Variants in RASEF observed in about 807,000 individuals in gnomAD.
RASEF encodes the protein ras and EF-hand domain-containing protein.
In RASEF, 68 loss-of-function variants were observed where a neutral mutation model predicts 90.1. That is an observed-to-expected ratio of 0.75 (90% confidence interval 0.62 to 0.92). RASEF has a LOEUF of 0.92. RASEF is among the 40% of genes least tolerant of loss of function. The pLI, the probability that RASEF is intolerant of heterozygous loss-of-function variation, is 0.00. For missense variants in RASEF, 949 were observed against 937.2 expected (o/e 1.01, Z -0.16); for synonymous variants, 331 against 345.2 (o/e 0.96, Z 0.46).
the RASEF span, among the ~76,000 whole-genome samples, chr9:83,142,009 G>T: frequency 6.6e-6 from 1 of 152,068 alleles, no homozygotes; most frequent in African/African-American, 2.4e-5. Flanking sequence ...ATGTACAAAA[G>T]GAAAAACTTT....
At position 82,997,146 on chromosome 9, in the gene RASEF, A is replaced by G. The variant is rs773777716; in HGVS notation, c.1806-20T>C. On this transcript the variant is annotated intron_variant, in intron 13 of 16. Coordinates refer to ENST00000376447, the MANE Select transcript of RASEF (RefSeq NM_152573.4). ...CTGAATCTGAGAAAGAGAAAACCAC[A>G]TCATCAGTCAGTTTGTGTTGCCTCA... The G allele has an allele frequency of 4.8e-6, 7 of 1,448,970 alleles. No individual in the cohort carries two copies. Among genetic ancestry groups the G allele is most frequent in the Non-Finnish European group, 6.8e-6 (7 of 1,029,722 alleles). The allele number at this position is 1,448,970 out of a possible 1,614,324, so 89.8% of individuals were successfully genotyped here.
At chr9:83,016,236 T>C (rs1466970630) in intron 3 of RASEF, among the ~76,000 whole-genome samples, 1 of 152,210 alleles carries the variant, frequency 6.6e-6, no homozygotes, top group Admixed American at 6.5e-5. Context: ...TTAAAAGACA[T>C]GGCACAGTGA....
chr9:82,990,528 G>C (rs866627137), intron 15 of RASEF, 61 bp from the exon 16 acceptor site: 2 of 1,260,086 alleles, frequency 1.6e-6, no homozygotes, highest in East Asian at 4.7e-5. Flanking sequence ...TGAAATTTTA[G>C]CTTTTAAAAT....
intron 1 of RASEF, chr9:83,054,849 G>C (rs2117879169): frequency 6.6e-6 from 1 of 151,808 alleles, no homozygotes. Context: ...CTCCCAGTTA[G>C]GCTGCTTGGG....
chr9:82,990,306 T>C, intron 16 of RASEF, 85 bp downstream of exon 16: 2 of 874,426 alleles, frequency 2.3e-6, no homozygotes, highest in Non-Finnish European at 3.8e-6. Context: ...TTCCCGCATA[T>C]ATTCTATCTG....
upstream of RASEF, among the ~76,000 whole-genome samples, chr9:83,064,603 A>G (rs565769993): frequency 6.6e-6 from 1 of 152,360 alleles, no homozygotes; most frequent in African/African-American, 2.4e-5. Context: ...CTTTAAAAAT[A>G]GATGCTTTCA....
At chr9:83,121,965 A>G in the RASEF span, among the ~76,000 whole-genome samples, 1 of 152,208 alleles carries the variant, frequency 6.6e-6, no homozygotes, top group African/African-American at 2.4e-5. Context: ...ATAAGAATAC[A>G]CACTTACATT....
chr9:83,176,523 C>A, the RASEF span, among the ~76,000 whole-genome samples: 45 of 152,116 alleles, frequency 3.0e-4, no homozygotes, highest in Admixed American at 2.2e-3. Flanking sequence ...TCCTCTATTA[C>A]TACTTTATTG....
At chr9:83,083,813 G>T in the RASEF span, among the ~76,000 whole-genome samples, 1 of 151,976 alleles carries the variant, frequency 6.6e-6, no homozygotes, top group Admixed American at 6.6e-5. Flanking sequence ...TCTTAAAAAA[G>T]CTTAGCAATA....
At chr9:83,059,746 G>T (rs1830172749) in intron 1 of RASEF, among the ~76,000 whole-genome samples, 1 of 152,002 alleles carries the variant, frequency 6.6e-6, no homozygotes, top group Admixed American at 6.5e-5. Context: ...TTATCAAACT[G>T]ACCAGGAAGT....
At chr9:83,148,282 AT>A in the RASEF span, among the ~76,000 whole-genome samples, 5 of 152,172 alleles carry the variant, frequency 3.3e-5, no homozygotes, top group Admixed American at 2.6e-4. Flanking sequence ...CTGAACTGTG[AT>A]CCCCCAAATT....
At chr9:83,046,849 G>A (rs1191801748) in intron 1 of RASEF, among the ~76,000 whole-genome samples, 1 of 152,182 alleles carries the variant, frequency 6.6e-6, no homozygotes, top group Non-Finnish European at 1.5e-5. Flanking sequence ...CTTGCACCAG[G>A]TAGATACAGG....
chr9:82,994,669 T>G (rs1828879370), intron 14 of RASEF, among the ~76,000 whole-genome samples: 1 of 152,232 alleles, frequency 6.6e-6, no homozygotes, highest in Non-Finnish European at 1.5e-5. Context: ...GTTTTGAATG[T>G]GTTAAAACTG....
intron 1 of RASEF, among the ~76,000 whole-genome samples, chr9:83,047,730 A>G (rs1469816401): frequency 6.6e-6 from 1 of 152,220 alleles, no homozygotes; most frequent in East Asian, 1.9e-4. Flanking sequence ...GCAAACAAGA[A>G]AGTAAAGATA....
At chr9:83,089,448 A>G in the RASEF span, among the ~76,000 whole-genome samples, 1 of 152,132 alleles carries the variant, frequency 6.6e-6, no homozygotes, top group African/African-American at 2.4e-5. Flanking sequence ...AAGCCCTTTT[A>G]GTGTTTTTGT....
chr9:83,188,767 A>G, the RASEF span, among the ~76,000 whole-genome samples: 138 of 152,298 alleles, frequency 9.1e-4, 1 homozygote, highest in African/African-American at 3.1e-3. Flanking sequence ...AACCAAAATG[A>G]AAAACATCAA....
the RASEF span, among the ~76,000 whole-genome samples, chr9:83,084,217 C>T: frequency 6.6e-6 from 1 of 152,032 alleles, no homozygotes; most frequent in Non-Finnish European, 1.5e-5. Flanking sequence ...TATTTTACTA[C>T]AATAAGTTTA....
chr9:82,996,793 A>C (rs1284929895), intron 14 of RASEF, among the ~76,000 whole-genome samples: 1 of 152,192 alleles, frequency 6.6e-6, no homozygotes, highest in Non-Finnish European at 1.5e-5. Flanking sequence ...TATTCCCCAA[A>C]GCTCCCTTCA....
At chr9:83,048,200 G>A (rs1338681919) in intron 1 of RASEF, 1 of 985,220 alleles carries the variant, frequency 1.0e-6, no homozygotes, top group Non-Finnish European at 1.2e-6. Context: ...AAGGAGCTTG[G>A]AGGTCATCTG....
Sources: allele counts gnomAD v4.1 joint callset (sites outside exome capture counted in the v4.1 genomes callset), GRCh38; gene constraint gnomAD v4.1.1; transcripts MANE v1.5; gene names NCBI Gene and HGNC (gene_info 2026-07-23, HGNC 2026-07-21).